HHAT: variants seen among roughly 807,000 people sequenced by gnomAD.
HHAT encodes the protein protein-cysteine N-palmitoyltransferase HHAT.
In HHAT, 47 loss-of-function variants were observed where a neutral mutation model predicts 70.8. The ratio of observed to expected loss-of-function variants is 0.66; its 90% CI spans 0.53 to 0.85. The LOEUF (loss-of-function observed/expected upper bound fraction) is 0.85, where lower values mean the gene tolerates loss of function less well. HHAT is among the 40% of genes least tolerant of loss of function. HHAT has a pLI of 0.00. For missense variants in HHAT, 609 were observed against 604.8 expected (o/e 1.01, Z -0.07); for synonymous variants, 228 against 247.6 (o/e 0.92, Z 0.74).
chr1:210,413,209 A>G (rs569657491), intron 6 of HHAT, among the ~76,000 whole-genome samples: 1 of 152,318 alleles, frequency 6.6e-6, no homozygotes, highest in South Asian at 2.1e-4. Context: ...AAAGATTACC[A>G]CTGTTGACAT....
chr1:210,599,648 A>G (rs1267318676), intron 10 of HHAT, among the ~76,000 whole-genome samples: 1 of 152,042 alleles, frequency 6.6e-6, no homozygotes, highest in Non-Finnish European at 1.5e-5. Flanking sequence ...TTCTATTTCT[A>G]CTGAAATCCT....
intron 1 of HHAT, among the ~76,000 whole-genome samples, chr1:210,335,172 A>G (rs1179056393): frequency 6.6e-6 from 1 of 152,196 alleles, no homozygotes. Flanking sequence ...CAATCTATAA[A>G]AAGGATAATA....
intron 6 of HHAT, among the ~76,000 whole-genome samples, chr1:210,416,828 A>G (rs1377008143): frequency 6.6e-6 from 1 of 152,212 alleles, no homozygotes; most frequent in Non-Finnish European, 1.5e-5. Flanking sequence ...GATATTAACT[A>G]CCAAGTATCC....
intron 7 of HHAT, among the ~76,000 whole-genome samples, chr1:210,464,140 ATTC>A (rs2094043249): frequency 6.6e-6 from 1 of 151,484 alleles, no homozygotes; most frequent in Non-Finnish European, 1.5e-5. Flanking sequence ...ACTAGAACTT[ATTC>A]TTTTTTTTTT....
At chr1:210,503,011 G>A (rs947592923) in intron 8 of HHAT, among the ~76,000 whole-genome samples, 2 of 151,734 alleles carry the variant, frequency 1.3e-5, no homozygotes, top group Admixed American at 6.6e-5. Flanking sequence ...TGTCACCCAG[G>A]CTGGAGTGCA....
chr1:210,340,242 G>GGGGAAAAAAAAA lies in HHAT; in HGVS notation c.-43-8691_-43-8690insGGGAAAAAAAAA, dbSNP rs1553313987. Among the ~76,000 whole-genome samples, 11 of 99,778 alleles carry GGGGAAAAAAAAA rather than the reference G, an allele frequency of 1.1e-4. 3 individuals carry two copies. The highest frequency in any genetic ancestry group is 2.6e-4 in the Admixed American group (2 of 7,674). The allele number at this position is 99,778 out of a possible 152,430, so 65.5% of individuals were successfully genotyped here. A position where few individuals can be genotyped will look rare whatever the true frequency, so the allele number is the denominator to read the frequency against. Reference sequence around the variant, plus strand: ...GGGGATAGAGCAAGACTCTGTCTCAGAAAAAAAAAAAAAAAAAAAAAAAAA... The same window carrying GGGGAAAAAAAAA: ...GGGGATAGAGCAAGACTCTGTCTCAGGGGAAAAAAAAAAAAAAAAAAAAAAAAAAAAAAAAAA... On this transcript the variant is annotated intron_variant, in intron 1 of 11. Transcript: ENST00000261458.
At chr1:210,492,183 G>A in intron 8 of HHAT, among the ~76,000 whole-genome samples, 1 of 151,992 alleles carries the variant, frequency 6.6e-6, no homozygotes, top group East Asian at 1.9e-4. Flanking sequence ...AACCTTCAAA[G>A]TTCAGCTTAG....
At chr1:210,633,624 TCTC>T (rs141416908) in intron 11 of HHAT, among the ~76,000 whole-genome samples, 3,625 of 152,308 alleles carry the variant, frequency 0.024, 62 homozygotes, top group Middle Eastern at 0.061. Flanking sequence ...ATATTTATCT[TCTC>T]CTCTTCTGCC....
At chr1:210,449,461 C>A (rs535618230) in intron 7 of HHAT, among the ~76,000 whole-genome samples, 1 of 152,334 alleles carries the variant, frequency 6.6e-6, no homozygotes, top group African/African-American at 2.4e-5. Flanking sequence ...ACACTTTTTC[C>A]TCCCCAGCTG....
At chr1:210,431,253 G>A (rs888798297) in intron 7 of HHAT, among the ~76,000 whole-genome samples, 1 of 151,784 alleles carries the variant, frequency 6.6e-6, no homozygotes, top group Non-Finnish European at 1.5e-5. Flanking sequence ...CTGGATTTAT[G>A]TGGGCTGTCA....
intron 8 of HHAT, among the ~76,000 whole-genome samples, chr1:210,492,759 T>C (rs2094571443): frequency 6.6e-6 from 1 of 152,156 alleles, no homozygotes; most frequent in African/African-American, 2.4e-5. Context: ...AATATAATTT[T>C]AATAAAGGGA....
At chr1:210,416,799 A>T (rs984227329) in intron 6 of HHAT, among the ~76,000 whole-genome samples, 4 of 152,328 alleles carry the variant, frequency 2.6e-5, no homozygotes, top group Admixed American at 6.5e-5. Flanking sequence ...GAAGACACAC[A>T]TGGAGGCGGT....
intron 1 of HHAT, among the ~76,000 whole-genome samples, chr1:210,333,964 C>T (rs2085233866): frequency 6.6e-6 from 1 of 151,932 alleles, no homozygotes; most frequent in African/African-American, 2.4e-5. Flanking sequence ...GCTGGAACTG[C>T]TCTTACTACT....
intron 6 of HHAT, among the ~76,000 whole-genome samples, chr1:210,408,148 T>C (rs2092404903): frequency 6.6e-6 from 1 of 152,190 alleles, no homozygotes. Context: ...ATAGGTAATG[T>C]GGTTTGACAG....
At chr1:210,641,032 G>A (rs1438363022) in intron 11 of HHAT, among the ~76,000 whole-genome samples, 1 of 152,144 alleles carries the variant, frequency 6.6e-6, no homozygotes, top group Non-Finnish European at 1.5e-5. Flanking sequence ...GAGTTATCTG[G>A]CTGGATTTAA....
chr1:210,520,343 T>C (rs966561816), intron 9 of HHAT, among the ~76,000 whole-genome samples: 1 of 152,216 alleles, frequency 6.6e-6, no homozygotes, highest in Admixed American at 6.5e-5. Flanking sequence ...GGGAATTTAA[T>C]CCATTTACAT....
chr1:210,428,127 T>C (rs1281412500), intron 7 of HHAT, among the ~76,000 whole-genome samples: 2 of 147,344 alleles, frequency 1.4e-5, no homozygotes, highest in East Asian at 3.9e-4. Flanking sequence ...TGATTTTTTC[T>C]GTTTTGCATT....
At chr1:210,366,961 A>G (rs113193577) in intron 3 of HHAT, among the ~76,000 whole-genome samples, 15 of 152,264 alleles carry the variant, frequency 9.9e-5, no homozygotes, top group Non-Finnish European at 1.9e-4. Flanking sequence ...TTCCTTCCAC[A>G]AATACAGCTT....
chr1:210,673,755 CTTATTTATTATTTATTTAT>C lies in HHAT; in HGVS notation c.1391-523_1391-505del, dbSNP rs775575563. On this transcript the variant is annotated intron_variant, in intron 11 of 11. Coordinates refer to ENST00000261458, the MANE Select transcript of HHAT (RefSeq NM_018194.6). ...TACAGAAACATGCCACCATGCCTGG[CTTATTTATTATTTATTTAT>C]TTATTTATTTATTTATTTATTTATT... Among the ~76,000 whole-genome samples the C allele has an allele frequency of 5.4e-3, 382 of 70,598 alleles. 2 individuals are homozygous for C. Among genetic ancestry groups the C allele is most frequent in the Non-Finnish European group, 0.014 (314 of 23,016 alleles). The allele number at this position is 70,598 out of a possible 152,430, so 46.3% of individuals were successfully genotyped here. A position where few individuals can be genotyped will look rare whatever the true frequency, so the allele number is the denominator to read the frequency against.
Sources: gnomAD v4.1 joint callset for allele counts (sites outside exome capture counted in the v4.1 genomes callset) on GRCh38, gnomAD v4.1.1 for gene constraint, MANE v1.5 for transcripts, NCBI Gene and HGNC (gene_info 2026-07-23, HGNC 2026-07-21) for gene names.